Variants in MDFIC2 observed in about 807,000 individuals in gnomAD.
The protein encoded by MDFIC2 is MyoD family inhibitor domain containing 2, also known as myoD family inhibitor domain-containing protein 2.
At chr3:70,237,955 G>T (rs928626913) in intron 2 of MDFIC2, among the ~76,000 whole-genome samples, 2 of 124,144 alleles carry the variant, frequency 1.6e-5, no homozygotes, top group African/African-American at 6.4e-5. Flanking sequence ...AAAGAGAAGG[G>T]AAAAGAAACT....
At chr3:70,284,448 CA>C (rs1299352704) in intron 2 of MDFIC2, among the ~76,000 whole-genome samples, 1 of 152,074 alleles carries the variant, frequency 6.6e-6, no homozygotes, top group Non-Finnish European at 1.5e-5. Context: ...TGAAGAATGA[CA>C]AGAGATTGGA....
intron 2 of MDFIC2, among the ~76,000 whole-genome samples, chr3:70,239,251 C>T (rs1460011216): frequency 6.6e-6 from 1 of 152,114 alleles, no homozygotes; most frequent in African/African-American, 2.4e-5. Flanking sequence ...ATATTGTTAT[C>T]TTGATTTCAA....
At chr3:70,269,951 A>G (rs1027673553) in intron 2 of MDFIC2, among the ~76,000 whole-genome samples, 2 of 152,208 alleles carry the variant, frequency 1.3e-5, no homozygotes, top group Non-Finnish European at 1.5e-5. Flanking sequence ...AAATGTGAAA[A>G]AGAAAATGAT....
chr3:70,224,265 T>G (rs1343584169), intron 2 of MDFIC2, among the ~76,000 whole-genome samples: 1 of 152,212 alleles, frequency 6.6e-6, no homozygotes, highest in Admixed American at 6.5e-5. Context: ...CCTGACATGT[T>G]GCACTCTTTC....
At chr3:70,214,200 T>C (rs1029670385) in intron 2 of MDFIC2, among the ~76,000 whole-genome samples, 2 of 152,056 alleles carry the variant, frequency 1.3e-5, no homozygotes, top group Non-Finnish European at 2.9e-5. Flanking sequence ...ATAAATAAGA[T>C]ACATATATTT....
intron 2 of MDFIC2, among the ~76,000 whole-genome samples, chr3:70,241,942 T>C (rs975092167): frequency 6.6e-6 from 1 of 152,198 alleles, no homozygotes; most frequent in Non-Finnish European, 1.5e-5. Flanking sequence ...CTAAACTGTA[T>C]AATAACATTT....
At chr3:70,276,275 T>C (rs1702024939) in intron 2 of MDFIC2, among the ~76,000 whole-genome samples, 1 of 152,178 alleles carries the variant, frequency 6.6e-6, no homozygotes, top group Non-Finnish European at 1.5e-5. Context: ...GCATAAATAT[T>C]ATTCTTCCAA....
chr3:70,290,133 G>A (rs537666468), intron 2 of MDFIC2, among the ~76,000 whole-genome samples: 325 of 152,240 alleles, frequency 2.1e-3, no homozygotes, highest in African/African-American at 7.3e-3. Flanking sequence ...GAGGAGAGGC[G>A]CTCTGCTTTT....
chr3:70,306,349 G>A (rs1702399996), intron 2 of MDFIC2, among the ~76,000 whole-genome samples: 1 of 152,110 alleles, frequency 6.6e-6, no homozygotes, highest in Admixed American at 6.5e-5. Flanking sequence ...CTGACCTCAT[G>A]ATCTACCCGC....
At chr3:70,274,380 T>C (rs1323679320) in intron 2 of MDFIC2, among the ~76,000 whole-genome samples, 1 of 150,952 alleles carries the variant, frequency 6.6e-6, no homozygotes, top group African/African-American at 2.5e-5. Flanking sequence ...AAATATAGAA[T>C]GAGTATGTGA....
intron 2 of MDFIC2, among the ~76,000 whole-genome samples, chr3:70,208,256 G>A (rs1411879686): frequency 6.6e-6 from 1 of 152,034 alleles, no homozygotes; most frequent in Non-Finnish European, 1.5e-5. Flanking sequence ...CGCAATGCCT[G>A]GTTGGTTCAA....
At chr3:70,249,000 T>C (rs1316856470) in intron 2 of MDFIC2, 1 of 152,146 alleles carries the variant, frequency 6.6e-6, no homozygotes, top group Non-Finnish European at 1.5e-5. Flanking sequence ...GGCTAAAGAA[T>C]TGGAAGCTCA....
At chr3:70,215,152 C>T (rs2106732345) in intron 2 of MDFIC2, among the ~76,000 whole-genome samples, 1 of 152,198 alleles carries the variant, frequency 6.6e-6, no homozygotes, top group Middle Eastern at 3.4e-3. Context: ...TGTGCATTAT[C>T]ACATTTGAAG....
intron 2 of MDFIC2, among the ~76,000 whole-genome samples, chr3:70,280,741 C>T (rs1036936565): frequency 6.6e-6 from 1 of 152,100 alleles, no homozygotes; most frequent in Non-Finnish European, 1.5e-5. Flanking sequence ...CTCTTAGTTT[C>T]CCCCGCCTTT....
At chr3:70,253,686 G>A (rs951669885) in intron 2 of MDFIC2, among the ~76,000 whole-genome samples, 7 of 152,108 alleles carry the variant, frequency 4.6e-5, no homozygotes, top group Non-Finnish European at 1.0e-4. Flanking sequence ...TAACACCACT[G>A]TACTGCAGCC....
intron 2 of MDFIC2, among the ~76,000 whole-genome samples, chr3:70,283,420 CTGGATACTGTAGAA>C (rs1285345607): frequency 1.3e-5 from 2 of 152,070 alleles, no homozygotes; most frequent in Admixed American, 6.6e-5. Flanking sequence ...GAAATTCTCC[CTGGATACTGTAGAA>C]TTGTTCAAAG....
intron 2 of MDFIC2, among the ~76,000 whole-genome samples, chr3:70,301,239 G>A (rs887627954): frequency 6.6e-6 from 1 of 152,018 alleles, no homozygotes; most frequent in African/African-American, 2.4e-5. Flanking sequence ...AACCTACTGA[G>A]TCCATTAAAA....
intron 2 of MDFIC2, among the ~76,000 whole-genome samples, chr3:70,305,789 G>T (rs1321741064): frequency 1.3e-5 from 2 of 152,220 alleles, no homozygotes; most frequent in Non-Finnish European, 2.9e-5. Flanking sequence ...GTCAATAAAT[G>T]TGGGAAAGAT....
chr3:70,268,767 C>G (rs970459011), intron 2 of MDFIC2, among the ~76,000 whole-genome samples: 2 of 152,118 alleles, frequency 1.3e-5, no homozygotes, highest in East Asian at 3.9e-4. Context: ...GAAGTATCTA[C>G]TTTATATCTG....
Sources: gnomAD v4.1 joint callset for allele counts (sites outside exome capture counted in the v4.1 genomes callset) on GRCh38, gnomAD v4.1.1 for gene constraint, MANE v1.5 for transcripts, NCBI Gene and HGNC (gene_info 2026-07-23, HGNC 2026-07-21) for gene names.